The following PLEKHA7 variants were observed in gnomAD, a reference collection of about 807,000 sequenced individuals.
The protein encoded by PLEKHA7 is pleckstrin homology domain-containing family A member 7.
PLEKHA7 carries 104 observed loss-of-function variants against 170.0 expected under a neutral mutation model. The ratio of observed to expected loss-of-function variants is 0.61; its 90% CI spans 0.52 to 0.72. PLEKHA7 has a LOEUF of 0.72. Ranked by LOEUF, PLEKHA7 falls within the 30% of genes least tolerant of loss-of-function variation. The pLI is 0.00. For missense variants in PLEKHA7, 1,615 were observed against 1,671.7 expected, an observed-to-expected ratio of 0.97 and a Z score of 0.59; for synonymous variants, 648 against 660.8, an observed-to-expected ratio of 0.98 and a Z score of 0.30.
At chr11:16,920,438 TAAAC>T (rs1016488629) in intron 3 of PLEKHA7, among the ~76,000 whole-genome samples, 3 of 151,960 alleles carry the variant, frequency 2.0e-5, no homozygotes, top group Admixed American at 6.6e-5. Context: ...TCCCCATTTC[TAAAC>T]AAACAAAACA....
rs1446151987 is a variant in PLEKHA7 at position 16,817,655 on chromosome 11, G to A, written c.1344-333C>T. ...ATGGCTATGCATATTTATAGGAAAG[G>A]CCTCACAATTCTCCAAGTTACCAAG... On this transcript the variant is annotated intron_variant, in intron 10 of 26. Coordinates refer to ENST00000531066, the MANE Select transcript of PLEKHA7 (RefSeq NM_001329630.2). The surrounding 1 kb of genome is among the most constrained non-coding windows in gnomAD (Gnocchi z 4.4). Among the ~76,000 whole-genome samples the A allele has an allele frequency of 6.6e-6, 1 of 152,162 alleles. No individual in the cohort carries two copies. The highest frequency in any genetic ancestry group is 2.4e-5 in the African/African-American group (1 of 41,416).
At chr11:16,943,594 G>C (rs556367182) in intron 3 of PLEKHA7, among the ~76,000 whole-genome samples, 122 of 152,312 alleles carry the variant, frequency 8.0e-4, no homozygotes, top group Admixed American at 1.8e-3. Flanking sequence ...TGCTATACTG[G>C]AGTGACTCTG....
intron 8 of PLEKHA7, among the ~76,000 whole-genome samples, chr11:16,843,658 G>C (rs1326612346): frequency 6.6e-6 from 1 of 152,228 alleles, no homozygotes; most frequent in Non-Finnish European, 1.5e-5. Flanking sequence ...AACAGAATAA[G>C]GCCAGGCACA....
intron 9 of PLEKHA7, among the ~76,000 whole-genome samples, chr11:16,833,082 AG>A (rs1460363261): frequency 6.6e-6 from 1 of 152,224 alleles, no homozygotes; most frequent in Non-Finnish European, 1.5e-5. Context: ...GAAATGGAGA[AG>A]GGAGTTAGTT....
At chr11:16,856,047 G>A in intron 4 of PLEKHA7, 133 bp from the exon 5 acceptor site, 1 of 710,894 alleles carries the variant, frequency 1.4e-6, no homozygotes, top group Non-Finnish European at 2.4e-6. Flanking sequence ...GAGGCTGCCT[G>A]ACTCCAGACT....
rs971076897 is a variant in PLEKHA7 at position 16,817,290 on chromosome 11, C to T, written c.1376G>A (p.Gly459Asp). 1.2e-6 allele frequency: 2 copies of T among 1,612,408 alleles called. No individual in the cohort carries two copies. The highest frequency in any genetic ancestry group is 1.7e-6 in the Non-Finnish European group (2 of 1,179,880). The change falls in exon 11 of 27, where the codon GGT (glycine) becomes GAT (aspartate). Residue 459 changes from glycine to aspartate, a missense_variant. Transcript: ENST00000531066. This position sits in a 1 kb window ranked among gnomAD's most constrained non-coding sequence, Gnocchi z 4.4. ...TGGGAAGGACAGGGATTGGCCAGGA[C>T]CCTGGCGAGGAAGCGTCTGGTCCAA... ...LPLDQTLPRQGPGQSLSFPEN... is the reference protein window; with the variant it reads ...LPLDQTLPRQDPGQSLSFPEN...
intron 8 of PLEKHA7, among the ~76,000 whole-genome samples, chr11:16,843,387 C>T (rs1007281981): frequency 3.9e-5 from 6 of 152,236 alleles, no homozygotes; most frequent in Admixed American, 3.9e-4. Context: ...TCAAATGAAC[C>T]TTCAGCATTT....
At chr11:16,916,871 T>G (rs1858723064) in intron 3 of PLEKHA7, among the ~76,000 whole-genome samples, 1 of 152,054 alleles carries the variant, frequency 6.6e-6, no homozygotes, top group South Asian at 2.1e-4. Context: ...CTGGATTAGG[T>G]CCCACAGAAT....
intron 24 of PLEKHA7, among the ~76,000 whole-genome samples, chr11:16,784,630 T>G (rs1347006320): frequency 6.6e-6 from 1 of 152,214 alleles, no homozygotes. Context: ...AGCTTCTGCA[T>G]GCTCCAGGAA....
intron 25 of PLEKHA7, 42 bp downstream of exon 25, chr11:16,783,658 G>A (rs1849207163): frequency 2.2e-6 from 3 of 1,362,740 alleles, no homozygotes; most frequent in Non-Finnish European, 2.8e-6. Context: ...CGCCACCTGG[G>A]GTCAGGGTGA....
intron 12 of PLEKHA7, 134 bp downstream of exon 12, chr11:16,816,044 T>A (rs1849726855): frequency 1.4e-6 from 1 of 736,150 alleles, no homozygotes; most frequent in Non-Finnish European, 2.3e-6. Context: ...TCATTCAACT[T>A]CTCTGAGCCT....
intron 3 of PLEKHA7, among the ~76,000 whole-genome samples, chr11:16,979,470 T>A (rs140363566): frequency 1.3e-5 from 2 of 152,160 alleles, no homozygotes; most frequent in Non-Finnish European, 2.9e-5. Flanking sequence ...TTGCTCAAGG[T>A]CACACAGTCA....
chr11:16,790,766 C>T lies in PLEKHA7; in HGVS notation c.3052+32G>A, dbSNP rs775806565. ...GGCTGGAAGCAGTGTGGTGGGATTCCCAGAGAAACTCCAGGGAGGGCCCTG... is the reference window on the plus strand; with the variant it reads ...GGCTGGAAGCAGTGTGGTGGGATTCTCAGAGAAACTCCAGGGAGGGCCCTG... On this transcript the variant is annotated intron_variant, in intron 21 of 26. Coordinates refer to ENST00000531066, the MANE Select transcript of PLEKHA7 (RefSeq NM_001329630.2). The T allele has an allele frequency of 1.9e-6, 3 of 1,594,352 alleles. No homozygotes were observed. The East Asian group carries it at 6.7e-5, about 36-fold the overall frequency.
intron 9 of PLEKHA7, among the ~76,000 whole-genome samples, chr11:16,839,327 T>C (rs1286363391): frequency 6.6e-6 from 1 of 151,782 alleles, no homozygotes; most frequent in Non-Finnish European, 1.5e-5. Flanking sequence ...AACCTGATTA[T>C]AGAGATTACC....
intron 3 of PLEKHA7, among the ~76,000 whole-genome samples, chr11:16,878,567 AGTAC>A (rs1320920063): frequency 1.3e-5 from 2 of 152,126 alleles, no homozygotes; most frequent in East Asian, 3.9e-4. Flanking sequence ...TAACAGTCTT[AGTAC>A]TAGCTGTCCT....
At chr11:16,976,604 T>G (rs1263811533) in intron 3 of PLEKHA7, among the ~76,000 whole-genome samples, 1 of 152,240 alleles carries the variant, frequency 6.6e-6, no homozygotes, top group African/African-American at 2.4e-5. Flanking sequence ...GTGGTTGGAC[T>G]AGCTGCTATC....
At position 16,783,784 on chromosome 11, in the gene PLEKHA7, T is replaced by A. The variant is rs1430260165; in HGVS notation, c.3566A>T (p.Asp1189Val). The stretch of plus-strand genomic sequence containing the variant: ...CTCAAGGCTGGGTGGCTCTTCGGGA[T>A]CTAGCTCCACGTAGCGCTCAGGGAT... The part of the protein sequence containing the change: ...VSIPERYVEL[D>V]PEEPPSLEEL... Residue 1189 changes from aspartate to valine, a missense_variant, in exon 25 of 27, where the codon GAT (aspartate) becomes GTT (valine). Physicochemically the swap from Asp to Val is radical, Grantham distance 152. Coordinates refer to ENST00000531066, the MANE Select transcript of PLEKHA7 (RefSeq NM_001329630.2). The A allele has an allele frequency of 1.5e-5, 23 of 1,514,480 alleles. No individual in the cohort carries two copies. The highest frequency in any genetic ancestry group is 1.9e-5 in the Non-Finnish European group (22 of 1,136,598). 93.8% of individuals were successfully genotyped at this position (1,514,480 alleles called of 1,614,324 possible). A position where few individuals can be genotyped will look rare whatever the true frequency, so the allele number is the denominator to read the frequency against.
At chr11:16,878,888 G>A (rs571359987) in intron 3 of PLEKHA7, among the ~76,000 whole-genome samples, 3 of 152,294 alleles carry the variant, frequency 2.0e-5, no homozygotes, top group South Asian at 2.1e-4. Flanking sequence ...GTGCAAGGAT[G>A]AGACACCAAC....
At chr11:16,820,778 C>T (rs1850150444) in intron 10 of PLEKHA7, among the ~76,000 whole-genome samples, 1 of 152,230 alleles carries the variant, frequency 6.6e-6, no homozygotes, top group South Asian at 2.1e-4. Context: ...CCACTAGCTG[C>T]ACCTCAAATC....
Sources: allele counts gnomAD v4.1 joint callset (sites outside exome capture counted in the v4.1 genomes callset), GRCh38; gene constraint gnomAD v4.1.1; non-coding constraint Gnocchi (gnomAD v3.1); transcripts MANE v1.5; gene names NCBI Gene and HGNC (gene_info 2026-07-23, HGNC 2026-07-21).